Variants in PCM1 observed in about 807,000 individuals in gnomAD.
PCM1 encodes the protein pericentriolar material 1 protein.
In PCM1, 157 loss-of-function variants were observed where a neutral mutation model predicts 241.9. The ratio of observed to expected loss-of-function variants is 0.65; its 90% CI spans 0.57 to 0.74. The LOEUF (loss-of-function observed/expected upper bound fraction) is 0.74, where lower values mean the gene tolerates loss of function less well. Ranked by LOEUF, PCM1 falls within the 30% of genes least tolerant of loss-of-function variation. The pLI is 0.00. For missense variants in PCM1, 3,478 were observed against 2,360.1 expected (o/e 1.47, Z -9.81); for synonymous variants, 1,085 against 784.9 (o/e 1.38, Z -6.39).
rs549954194 is a variant in PCM1 at position 17,990,452 on chromosome 8, A to C, written c.4531+473A>C. The stretch of plus-strand genomic sequence containing the variant: ...CCTCAAGTAATTCTCAGGCATAGCA[A>C]ATGGTTTTGGTTGTTTTTTTTTGTT... On this transcript the variant is annotated intron_variant, in intron 27 of 38. Transcript: ENST00000325083. Among the ~76,000 whole-genome samples, 3 of 151,612 alleles carry C rather than the reference A, an allele frequency of 2.0e-5. No individual in the cohort carries two copies. The East Asian group carries it at 5.8e-4, about 29-fold the overall frequency.
chr8:17,973,343 T>C (rs1289310903), intron 23 of PCM1, among the ~76,000 whole-genome samples: 1 of 152,222 alleles, frequency 6.6e-6, no homozygotes, highest in Non-Finnish European at 1.5e-5. Context: ...TCTGCAGTGT[T>C]ACAGCTGAAG....
chr8:17,993,675 A>G, intron 29 of PCM1, 56 bp downstream of exon 29: 2 of 1,427,112 alleles, frequency 1.4e-6, no homozygotes, highest in South Asian at 1.3e-5. Flanking sequence ...TTTTTAATTC[A>G]TACAGAAGAC....
chr8:17,947,452 A>C lies in PCM1; in HGVS notation c.961+89A>C. ...TGGATGCTGATTATTACATAATCAG[A>C]TCTTGATTGTTGTCTAGTTTAGAAA... is the stretch of plus-strand genomic sequence containing the variant. On this transcript the variant is annotated intron_variant, in intron 7 of 38. Transcript: ENST00000325083. 3 of 916,118 alleles carry C rather than the reference A, an allele frequency of 3.3e-6. No individual in the cohort carries two copies. In the South Asian group the frequency reaches 6.0e-5, roughly 18 times the overall value. The allele number at this position is 916,118 out of a possible 1,614,324, so 56.7% of individuals were successfully genotyped here. A position where few individuals can be genotyped will look rare whatever the true frequency, so the allele number is the denominator to read the frequency against.
chr8:18,009,756 T>A lies in PCM1; in HGVS notation c.5160+12T>A. The A allele has an allele frequency of 2.1e-6, 3 of 1,397,968 alleles. No homozygotes were observed. Among genetic ancestry groups the A allele is most frequent in the Non-Finnish European group, 2.8e-6 (3 of 1,064,800 alleles). The allele number at this position is 1,397,968 out of a possible 1,614,324, so 86.6% of individuals were successfully genotyped here. On this transcript the variant is annotated intron_variant, in intron 31 of 38. Coordinates refer to ENST00000325083, the MANE Select transcript of PCM1 (RefSeq NM_006197.4). Reference sequence around the variant, plus strand: ...CTTGTGCCAAAGAGGTAAATAACGTTCATTTTGATTTTTAGGATAATTGAC... The same window carrying A: ...CTTGTGCCAAAGAGGTAAATAACGTACATTTTGATTTTTAGGATAATTGAC...
intron 24 of PCM1, among the ~76,000 whole-genome samples, chr8:17,981,922 T>C (rs1227140395): frequency 6.6e-6 from 1 of 151,842 alleles, no homozygotes; most frequent in African/African-American, 2.4e-5. Flanking sequence ...AAAAAAGACA[T>C]TAAGATTTAG....
chr8:18,008,217 C>T (rs1468672388), intron 30 of PCM1, among the ~76,000 whole-genome samples: 2 of 152,164 alleles, frequency 1.3e-5, no homozygotes, highest in Non-Finnish European at 2.9e-5. Flanking sequence ...GCTCCACCTC[C>T]TGTCAGATCA....
At chr8:17,941,590 T>G (rs1361310769) in intron 6 of PCM1, among the ~76,000 whole-genome samples, 1 of 151,982 alleles carries the variant, frequency 6.6e-6, no homozygotes, top group African/African-American at 2.4e-5. Context: ...AAGGCTGGCT[T>G]ATATGTTAAA....
intron 2 of PCM1, among the ~76,000 whole-genome samples, chr8:17,928,920 C>T (rs2129446427): frequency 6.6e-6 from 1 of 152,266 alleles, no homozygotes; most frequent in African/African-American, 2.4e-5. Flanking sequence ...GCGTGAGCCA[C>T]CGCACCCGAC....
At chr8:17,963,337 A>G in intron 17 of PCM1, 46 bp downstream of exon 17, 1 of 1,433,196 alleles carries the variant, frequency 7.0e-7, no homozygotes, top group Non-Finnish European at 9.5e-7. Flanking sequence ...TCACCTGCCG[A>G]AGATTGACCT....
chr8:18,023,785 G>A (rs1178648468), intron 36 of PCM1, among the ~76,000 whole-genome samples: 1 of 152,178 alleles, frequency 6.6e-6, no homozygotes. Context: ...ATGCTTTCCA[G>A]CAGCCACTCA....
At chr8:17,956,863 T>C in intron 11 of PCM1, 86 bp downstream of exon 11, 4 of 1,040,732 alleles carry the variant, frequency 3.8e-6, no homozygotes, top group Non-Finnish European at 5.7e-6. Flanking sequence ...TTCGTTGTAG[T>C]ATTTACTATT....
chr8:17,934,663 C>A (rs1333945526), intron 2 of PCM1: 1 of 152,000 alleles, frequency 6.6e-6, no homozygotes, highest in Admixed American at 6.6e-5. Context: ...TTTTCATGTC[C>A]CTTGAATTTT....
chr8:17,934,250 A>G (rs948315737), intron 2 of PCM1, among the ~76,000 whole-genome samples: 7 of 147,772 alleles, frequency 4.7e-5, no homozygotes, highest in African/African-American at 1.7e-4. Context: ...CATTATTACT[A>G]TTTATTTAAT....
intron 1 of PCM1, among the ~76,000 whole-genome samples, chr8:17,923,633 C>G (rs937570624): frequency 2.6e-5 from 4 of 151,984 alleles, no homozygotes; most frequent in Non-Finnish European, 5.9e-5. Flanking sequence ...GTGGAACTCT[C>G]GGTGTCCAGA....
rs1233700076 is a variant in PCM1, at chr8:18,013,471, A to G, written c.5512-493A>G. Reference sequence around the variant, plus strand: ...CTGTTGAGGTGGGAGGAGAGAACCTACGTAGGCACATTTTCCTTAAACAGT... The same window carrying G: ...CTGTTGAGGTGGGAGGAGAGAACCTGCGTAGGCACATTTTCCTTAAACAGT... On this transcript the variant is annotated intron_variant, in intron 34 of 38. Coordinates refer to ENST00000325083, the MANE Select transcript of PCM1 (RefSeq NM_006197.4). Among the ~76,000 whole-genome samples, 5 of 152,170 alleles carry G rather than the reference A, an allele frequency of 3.3e-5. No individual in the cohort carries two copies. The East Asian group carries it at 7.7e-4, about 23-fold the overall frequency.
Position 17,966,343 on chromosome 8 carries a change from C to G in PCM1, c.3091C>G (p.Leu1031Val), listed in dbSNP as rs770188087. ...MQDQQTLSCL[L>V]QTLLTGPYSV... ...CTTTCAATAGACTCTATCTTGTCTG[C>G]TACAAACTCTTCTCACGGGTCCTTA... The change falls in exon 20 of 39, where the codon CTA becomes GTA. Residue 1031 changes from leucine to valine, a missense_variant. Transcript: ENST00000325083. 6.2e-6 allele frequency: 10 copies of G among 1,613,664 alleles called. No individual in the cohort carries two copies. Among genetic ancestry groups the G allele is most frequent in the Non-Finnish European group, 8.5e-6 (10 of 1,179,754 alleles).
intron 21 of PCM1, among the ~76,000 whole-genome samples, chr8:17,968,937 A>C (rs1410169825): frequency 1.3e-5 from 2 of 152,014 alleles, no homozygotes; most frequent in Non-Finnish European, 2.9e-5. Context: ...CTTTTTACTA[A>C]AATATACTTC....
chr8:17,945,581 T>G (rs2063486410), intron 6 of PCM1, among the ~76,000 whole-genome samples: 1 of 152,218 alleles, frequency 6.6e-6, no homozygotes, highest in Non-Finnish European at 1.5e-5. Flanking sequence ...TACTTATTAA[T>G]TTTATGGATT....
intron 6 of PCM1, among the ~76,000 whole-genome samples, chr8:17,946,737 G>C (rs2063909953): frequency 6.6e-6 from 1 of 151,948 alleles, no homozygotes; most frequent in South Asian, 2.1e-4. Context: ...CTTGTGATCT[G>C]CCCACCTCGG....
Sources: allele counts gnomAD v4.1 joint callset (sites outside exome capture counted in the v4.1 genomes callset), GRCh38; gene constraint gnomAD v4.1.1; transcripts MANE v1.5; gene names NCBI Gene and HGNC (gene_info 2026-07-23, HGNC 2026-07-21).